Variants in DAB1 observed in about 807,000 individuals in gnomAD.
DAB1 encodes disabled homolog 1.
Under a neutral mutation model 64.6 loss-of-function variants are expected in DAB1, and 15 were observed. That is an observed-to-expected ratio of 0.23 (90% CI 0.16 to 0.36). The LOEUF is 0.36. Among genes scored for constraint, DAB1 ranks in the 10% least tolerant of loss-of-function variants. The probability of loss-of-function intolerance (pLI) is 1.00; values close to 1 mark genes in which losing one functional copy is unlikely to be tolerated. For missense variants in DAB1, 596 were observed against 706.7 expected (o/e 0.84, Z 1.78); for synonymous variants, 235 against 251.9 (o/e 0.93, Z 0.64).
intron 7 of DAB1, among the ~76,000 whole-genome samples, chr1:57,640,386 T>C (rs1332794350): frequency 6.6e-6 from 1 of 152,200 alleles, no homozygotes; most frequent in Non-Finnish European, 1.5e-5. Flanking sequence ...CTTTACCAAG[T>C]ATTTTCACAT....
At chr1:57,994,062 T>C (rs1433995436) in intron 5 of DAB1, among the ~76,000 whole-genome samples, 1 of 152,190 alleles carries the variant, frequency 6.6e-6, no homozygotes, top group African/African-American at 2.4e-5. Context: ...AGGCACACTT[T>C]AATTCCAGGT....
rs115337930 is a variant in DAB1 at position 57,670,106 on chromosome 1, C to T, written n.552-20441G>A. On this transcript the variant is annotated intron_variant and non_coding_transcript_variant, in intron 6 of 20. Transcript: ENST00000485760. Reference sequence around the variant, plus strand: ...TGAAATTATTTTTATTCAGCACATACGCAAAAGCTGGCACTTCATTAGACT... The same window carrying T: ...TGAAATTATTTTTATTCAGCACATATGCAAAAGCTGGCACTTCATTAGACT... Among the ~76,000 whole-genome samples the T allele has an allele frequency of 8.1e-3, 1,238 of 152,170 alleles. 20 individuals are homozygous for T. The highest frequency in any genetic ancestry group is 0.028 in the African/African-American group (1,180 of 41,506).
intron 6 of DAB1, among the ~76,000 whole-genome samples, chr1:57,819,375 A>G (rs1652015886): frequency 1.3e-5 from 2 of 152,228 alleles, no homozygotes; most frequent in African/African-American, 4.8e-5. Context: ...CTGGTTAATC[A>G]AACAGTATGT....
At chr1:57,546,951 C>G (rs1159432836) in intron 7 of DAB1, among the ~76,000 whole-genome samples, 1 of 151,898 alleles carries the variant, frequency 6.6e-6, no homozygotes. Context: ...TTATGCTTAC[C>G]TGCAGGTTCA....
At chr1:58,193,516 A>T (rs116679910) in intron 4 of DAB1, among the ~76,000 whole-genome samples, 1,815 of 152,304 alleles carry the variant, frequency 0.012, 17 homozygotes, top group Middle Eastern at 0.041. Flanking sequence ...TCCTCACAAC[A>T]ATTCTATGAA....
At chr1:57,281,929 C>A (rs1176934321) in intron 2 of DAB1, among the ~76,000 whole-genome samples, 1 of 152,008 alleles carries the variant, frequency 6.6e-6, no homozygotes, top group Non-Finnish European at 1.5e-5. Context: ...TGACTGTAAT[C>A]CTAGCACTTT....
intron 3 of DAB1, among the ~76,000 whole-genome samples, chr1:58,391,342 A>T (rs1301992591): frequency 6.6e-6 from 1 of 152,194 alleles, no homozygotes; most frequent in Non-Finnish European, 1.5e-5. Context: ...AGTACCATGC[A>T]CTGACCAGGC....
intron 1 of DAB1, chr1:58,527,392 G>A: frequency 1.2e-6 from 1 of 823,606 alleles, no homozygotes; most frequent in Non-Finnish European, 2.2e-6. Context: ...GAAAAAAGGA[G>A]TAACACAGAG....
intron 2 of DAB1, among the ~76,000 whole-genome samples, chr1:57,176,973 A>G: frequency 9.7e-6 from 1 of 103,178 alleles, no homozygotes; most frequent in Non-Finnish European, 1.8e-5. Context: ...CAGCAGATAT[A>G]AAAAAAAAAA....
intron 1 of DAB1, among the ~76,000 whole-genome samples, chr1:57,383,223 T>A (rs920654696): frequency 2.6e-5 from 4 of 152,284 alleles, no homozygotes; most frequent in Admixed American, 1.3e-4. Flanking sequence ...ATTAATTTTT[T>A]AAAAAATGTA....
intron 1 of DAB1, chr1:58,538,775 A>G: frequency 1.4e-6 from 1 of 734,854 alleles, no homozygotes; most frequent in South Asian, 2.0e-5. Context: ...AAAAGTTTTT[A>G]TTCTAAAAAA....
intron 1 of DAB1, among the ~76,000 whole-genome samples, chr1:57,405,562 C>T (rs1683566432): frequency 6.6e-6 from 1 of 152,164 alleles, no homozygotes; most frequent in African/African-American, 2.4e-5. Context: ...AATTTAGTGC[C>T]AAATTTTTAA....
At chr1:58,446,281 A>G (rs570058804) in intron 3 of DAB1, among the ~76,000 whole-genome samples, 13 of 152,324 alleles carry the variant, frequency 8.5e-5, no homozygotes, top group Middle Eastern at 3.4e-3. Context: ...GTCTCTCAAT[A>G]TATCTTTCTC....
At chr1:57,813,579 G>T (rs953542402) in intron 6 of DAB1, among the ~76,000 whole-genome samples, 2 of 152,220 alleles carry the variant, frequency 1.3e-5, no homozygotes, top group Non-Finnish European at 2.9e-5. Flanking sequence ...CACAGAAGGG[G>T]GAGGTCTAAG....
chr1:57,917,162 T>C (rs998638519), intron 5 of DAB1, among the ~76,000 whole-genome samples: 2 of 152,100 alleles, frequency 1.3e-5, no homozygotes, highest in African/African-American at 4.8e-5. Context: ...ACTCCTGACT[T>C]TTCTCTCCCA....
chr1:57,936,630 T>G (rs1312437575), intron 5 of DAB1, among the ~76,000 whole-genome samples: 2 of 152,194 alleles, frequency 1.3e-5, no homozygotes, highest in Non-Finnish European at 2.9e-5. Flanking sequence ...CTCGAACTCT[T>G]GATCTCAGGT....
At chr1:57,335,609 T>C (rs1677018054) in intron 1 of DAB1, among the ~76,000 whole-genome samples, 1 of 152,172 alleles carries the variant, frequency 6.6e-6, no homozygotes, top group African/African-American at 2.4e-5. Flanking sequence ...GAGAATAATA[T>C]TTAAGCCCCC....
chr1:57,885,341 A>C (rs541180803), upstream of DAB1, among the ~76,000 whole-genome samples: 3 of 152,342 alleles, frequency 2.0e-5, no homozygotes, highest in Admixed American at 6.5e-5. Flanking sequence ...CACAGCTATG[A>C]AGGGCAGAGC....
At chr1:57,560,083 C>T (rs973708532) in intron 7 of DAB1, among the ~76,000 whole-genome samples, 7 of 152,210 alleles carry the variant, frequency 4.6e-5, no homozygotes, top group Non-Finnish European at 7.3e-5. Context: ...TATCCTGGTA[C>T]CTGGTATGCA....
Sources: allele counts gnomAD v4.1 joint callset (sites outside exome capture counted in the v4.1 genomes callset), GRCh38; gene constraint gnomAD v4.1.1; transcripts MANE v1.5; gene names NCBI Gene and HGNC (gene_info 2026-07-23, HGNC 2026-07-21).